The following PPP5C variants were observed in gnomAD, a reference collection of about 807,000 sequenced individuals.
PPP5C encodes protein phosphatase 5 catalytic subunit.
In PPP5C, 21 loss-of-function variants were observed where a neutral mutation model predicts 66.7. The observed-to-expected ratio is 0.31, with a 90% CI of 0.22 to 0.45. The LOEUF is 0.45. Ranked by LOEUF, PPP5C falls within the 20% of genes least tolerant of loss-of-function variation. The probability of loss-of-function intolerance (pLI) is 1.00; values close to 1 mark genes in which losing one functional copy is unlikely to be tolerated. For missense variants in PPP5C, 464 were observed against 675.9 expected, an observed-to-expected ratio of 0.69 and a Z score of 3.48; for synonymous variants, 246 against 257.4, an observed-to-expected ratio of 0.96 and a Z score of 0.43.
rs951686080 is a variant in PPP5C at position 46,376,904 on chromosome 19, G to A, written c.633+330G>A. 1.3e-5 allele frequency among the ~76,000 whole-genome samples: 2 copies of A among 152,176 alleles called. No individual in the cohort carries two copies. The highest frequency in any genetic ancestry group is 4.8e-5 in the African/African-American group (2 of 41,444). On this transcript the variant is annotated intron_variant, in intron 4 of 12. Transcript: ENST00000012443. This position sits in a 1 kb window ranked among gnomAD's most constrained non-coding sequence, Gnocchi z 5.1. Reference sequence around the variant, plus strand: ...CCCAGGCTCTTGGGCGTCTGTGGCTGCTGGTTGTTGCAGGTTGTTTGGGAC... The same window carrying A: ...CCCAGGCTCTTGGGCGTCTGTGGCTACTGGTTGTTGCAGGTTGTTTGGGAC...
At chr19:46,347,601 G>C (rs1196592177) in intron 1 of PPP5C, among the ~76,000 whole-genome samples, 1 of 151,434 alleles carries the variant, frequency 6.6e-6, no homozygotes, top group Non-Finnish European at 1.5e-5. Context: ...GCCGCCAAGT[G>C]GGGGGTAGAG....
intron 1 of PPP5C, among the ~76,000 whole-genome samples, chr19:46,349,869 A>G (rs539005576): frequency 2.0e-5 from 3 of 152,106 alleles, no homozygotes; most frequent in Admixed American, 1.3e-4. Flanking sequence ...AAAAAAAACA[A>G]AAACAGGTGG....
chr19:46,390,473 T>TA lies in PPP5C; in HGVS notation c.*128dup. On this transcript the variant is annotated 3_prime_UTR_variant, in exon 13 of 13. Transcript: ENST00000012443. Reference sequence around the variant, plus strand: ...ACCCCCTTTTACTTTGTAAAGTTTGTATTTATTCCCCTTTAGGTTTGCAGA... The same window carrying TA: ...ACCCCCTTTTACTTTGTAAAGTTTGTAATTTATTCCCCTTTAGGTTTGCAGA... 6.6e-7 allele frequency: 1 copy of TA among 1,513,168 alleles called. No homozygotes were observed. Among genetic ancestry groups the TA allele is most frequent in the South Asian group, 1.2e-5 (1 of 81,416 alleles). 93.7% of individuals were successfully genotyped at this position (1,513,168 alleles called of 1,614,324 possible).
chr19:46,376,029 C>G lies in PPP5C; in HGVS notation c.511+278C>G, dbSNP rs751206739. ...CAGTCCCCACAGGCTGTGTCTGATT[C>G]ACCTCTAGGTGCTGAGAAGATCCAA... is the stretch of plus-strand genomic sequence containing the variant. On this transcript the variant is annotated intron_variant, in intron 3 of 12. Transcript: ENST00000012443. The surrounding 1 kb of genome is among the most constrained non-coding windows in gnomAD (Gnocchi z 5.1). Among the ~76,000 whole-genome samples the G allele has an allele frequency of 4.6e-5, 7 of 152,178 alleles. No homozygotes were observed. The highest frequency in any genetic ancestry group is 1.0e-4 in the Non-Finnish European group (7 of 68,030).
In PPP5C at chr19:46,376,648, G is replaced by T; in HGVS notation, c.633+74G>T. ...CACAGCACTGCCAGCCGCGGGCACT[G>T]AGCAAAACGACAGGAGAAGGGCGGC... On this transcript the variant is annotated intron_variant, in intron 4 of 12. Transcript: ENST00000012443. This position sits in a 1 kb window ranked among gnomAD's most constrained non-coding sequence, Gnocchi z 5.1. 1 of 1,566,742 alleles carries T rather than the reference G, an allele frequency of 6.4e-7. No individual in the cohort carries two copies. Among genetic ancestry groups the T allele is most frequent in the South Asian group, 1.2e-5 (1 of 84,134 alleles).
intron 11 of PPP5C, 22 bp from the exon 12 acceptor site, chr19:46,390,029 C>G (rs770972881): frequency 2.9e-5 from 47 of 1,612,042 alleles, no homozygotes; most frequent in Non-Finnish European, 3.9e-5. Flanking sequence ...CCACACTGTC[C>G]ACTCTGCTCC....
At position 46,388,906 on chromosome 19, in the gene PPP5C, G is replaced by A. The variant is rs1972940972; in HGVS notation, c.1355+175G>A. On this transcript the variant is annotated intron_variant, in intron 11 of 12. Transcript: ENST00000012443. The surrounding 1 kb of genome is among the most constrained non-coding windows in gnomAD (Gnocchi z 4.9). ...CATGCAGCACCAGTGGGGCCAGCCT[G>A]TGAGTGCTGACCAGCTGCCCTGTGT... is the stretch of plus-strand genomic sequence containing the variant. 6.6e-6 allele frequency among the ~76,000 whole-genome samples: 1 copy of A among 152,170 alleles called. No homozygotes were observed. Among genetic ancestry groups the A allele is most frequent in the South Asian group, 2.1e-4 (1 of 4,822 alleles).
chr19:46,388,504 G>A lies in PPP5C; in HGVS notation c.1177-49G>A. 3 of 1,610,694 alleles carry A rather than the reference G, an allele frequency of 1.9e-6. No individual in the cohort carries two copies. The highest frequency in any genetic ancestry group is 2.5e-6 in the Non-Finnish European group (3 of 1,177,544). ...GGTGTGGGCTGTGGCAGCAGGTGGAGGCAGACAGTCACCCTGAACCCCTGT... is the reference window on the plus strand; with the variant it reads ...GGTGTGGGCTGTGGCAGCAGGTGGAAGCAGACAGTCACCCTGAACCCCTGT... On this transcript the variant is annotated intron_variant, in intron 10 of 12. Coordinates refer to ENST00000012443, the MANE Select transcript of PPP5C (RefSeq NM_006247.4). The surrounding 1 kb of genome is among the most constrained non-coding windows in gnomAD (Gnocchi z 4.9).
chr19:46,367,150 A>C (rs1292753538), intron 2 of PPP5C, among the ~76,000 whole-genome samples: 8 of 152,232 alleles, frequency 5.3e-5, no homozygotes, highest in Admixed American at 3.9e-4. Context: ...GTGAAAGCAC[A>C]ACCCACTCCC....
chr19:46,357,735 A>G (rs1972311517), intron 2 of PPP5C, among the ~76,000 whole-genome samples: 1 of 152,230 alleles, frequency 6.6e-6, no homozygotes, highest in African/African-American at 2.4e-5. Context: ...AAAGGCTGCT[A>G]CAAAGGATAC....
intron 1 of PPP5C, among the ~76,000 whole-genome samples, chr19:46,352,228 C>T (rs1972199138): frequency 6.6e-6 from 1 of 152,204 alleles, no homozygotes; most frequent in South Asian, 2.1e-4. Context: ...ATGGTAAGCC[C>T]TGGGAGGGCA....
At chr19:46,380,654 C>T (rs1156982401) in intron 4 of PPP5C, among the ~76,000 whole-genome samples, 2 of 152,094 alleles carry the variant, frequency 1.3e-5, no homozygotes, top group African/African-American at 2.4e-5. Context: ...TTTATTTTGT[C>T]TTCATTTTTA....
chr19:46,390,354 G>A lies in PPP5C; in HGVS notation c.*8G>A. On this transcript the variant is annotated 3_prime_UTR_variant, in exon 13 of 13. Coordinates refer to ENST00000012443, the MANE Select transcript of PPP5C (RefSeq NM_006247.4). ...CAGCTAGGAATGATGTGAGGTGACGGGCGGGGCGGCCTGCATCCCAGGGCC... is the reference window on the plus strand; with the variant it reads ...CAGCTAGGAATGATGTGAGGTGACGAGCGGGGCGGCCTGCATCCCAGGGCC... 6.4e-7 allele frequency: 1 copy of A among 1,567,386 alleles called. No homozygotes were observed. Among genetic ancestry groups the A allele is most frequent in the Non-Finnish European group, 8.6e-7 (1 of 1,156,072 alleles).
chr19:46,383,744 C>CGG lies in PPP5C; in HGVS notation c.700-35_700-34dup. The CGG allele has an allele frequency of 4.2e-5, 65 of 1,538,308 alleles. No homozygotes were observed. Among genetic ancestry groups the CGG allele is most frequent in the Non-Finnish European group, 5.3e-5 (59 of 1,111,576 alleles). On this transcript the variant is annotated intron_variant, in intron 5 of 12. Coordinates refer to ENST00000012443, the MANE Select transcript of PPP5C (RefSeq NM_006247.4). This position sits in a 1 kb window ranked among gnomAD's most constrained non-coding sequence, Gnocchi z 5.0. Reference sequence around the variant, plus strand: ...CTGCCCCCTCCCCACGTCTCTCTCTCGGCCCGTCCCTCTCCGGTGGCCTCT... The same window carrying CGG: ...CTGCCCCCTCCCCACGTCTCTCTCTCGGGGCCCGTCCCTCTCCGGTGGCCTCT...
At chr19:46,380,678 T>A (rs1972775260) in intron 4 of PPP5C, among the ~76,000 whole-genome samples, 1 of 152,248 alleles carries the variant, frequency 6.6e-6, no homozygotes, top group South Asian at 2.1e-4. Flanking sequence ...GTGTCTTTGC[T>A]GGATGTAGAG....
Position 46,384,887 on chromosome 19 carries a change from A to G in PPP5C, c.882A>G (p.Pro294=). The change falls in exon 7 of 13, where the codon CCA becomes CCG. Residue 294 remains proline, a synonymous_variant. Coordinates refer to ENST00000012443, the MANE Select transcript of PPP5C (RefSeq NM_006247.4). The part of the protein sequence containing the change: ...LTLFGFKLLY[P]DHFHLLRGNH... ...TTTTCGGCTTCAAGCTCCTGTACCC[A>G]GATCACTTTCACCTCCTTCGAGGTG... 6.2e-7 allele frequency: 1 copy of G among 1,614,040 alleles called. No individual in the cohort carries two copies. The highest frequency in any genetic ancestry group is 8.5e-7 in the Non-Finnish European group (1 of 1,179,900).
chr19:46,352,237 C>T (rs1972199471), intron 1 of PPP5C, among the ~76,000 whole-genome samples: 1 of 152,292 alleles, frequency 6.6e-6, no homozygotes, highest in Admixed American at 6.5e-5. Context: ...CCTGGGAGGG[C>T]AGGGCTGTGT....
At chr19:46,390,001 A>G in intron 11 of PPP5C, 50 bp from the exon 12 acceptor site, 1 of 1,564,478 alleles carries the variant, frequency 6.4e-7, no homozygotes, top group Non-Finnish European at 8.8e-7. Flanking sequence ...TTAACCCACC[A>G]GCCCCACCCA....
intron 6 of PPP5C, 152 bp downstream of exon 6, chr19:46,384,030 C>T: frequency 1.5e-6 from 1 of 686,226 alleles, no homozygotes; most frequent in Non-Finnish European, 2.5e-6. Context: ...GTGGGTGGAG[C>T]TGCAGGCTGG....
Sources: allele counts gnomAD v4.1 joint callset (sites outside exome capture counted in the v4.1 genomes callset), GRCh38; gene constraint gnomAD v4.1.1; non-coding constraint Gnocchi (gnomAD v3.1); transcripts MANE v1.5; gene names NCBI Gene and HGNC (gene_info 2026-07-23, HGNC 2026-07-21).